Variants in AAAS observed in about 807,000 individuals in gnomAD.
The protein encoded by AAAS is aladin.
In AAAS, 60 loss-of-function variants were observed where a neutral mutation model predicts 75.6. The ratio of observed to expected loss-of-function variants is 0.79; its 90% CI spans 0.64 to 0.98. The LOEUF (loss-of-function observed/expected upper bound fraction) is 0.98, where lower values mean the gene tolerates loss of function less well. Ranked by LOEUF, AAAS falls within the 50% of genes least tolerant of loss-of-function variation. The pLI is 0.00. For missense variants in AAAS, 658 were observed against 686.9 expected, an observed-to-expected ratio of 0.96 and a Z score of 0.47; for synonymous variants, 271 against 265.0, an observed-to-expected ratio of 1.02 and a Z score of -0.22.
Position 53,310,513 on chromosome 12 carries a change from T to C in AAAS, c.690-792A>G, listed in dbSNP as rs538285501. ...AGGCGGAGGTTGCAGTGAGCCGAGA[T>C]TGCACCACTGCACTCCAGCCTGGCG... On this transcript the variant is annotated intron_variant, in intron 7 of 15. Transcript: ENST00000209873. Among the ~76,000 whole-genome samples the C allele has an allele frequency of 1.1e-4, 17 of 151,564 alleles. No individual in the cohort carries two copies. The South Asian group carries it at 2.7e-3, about 24-fold the overall frequency.
chr12:53,309,741 A>G lies in AAAS; in HGVS notation c.690-20T>C, dbSNP rs1461249296. ...GAGGGTCTGGAGGGGAACACAGAGG[A>G]TGTGGAGTCAGAAGATGACAAGAAG... On this transcript the variant is annotated intron_variant, in intron 7 of 15. Coordinates refer to ENST00000209873, the MANE Select transcript of AAAS (RefSeq NM_015665.6). 1 of 1,611,336 alleles carries G rather than the reference A, an allele frequency of 6.2e-7. No individual in the cohort carries two copies. The highest frequency in any genetic ancestry group is 8.5e-7 in the Non-Finnish European group (1 of 1,179,170).
At chr12:53,311,102 C>G (rs1944382135) in intron 7 of AAAS, among the ~76,000 whole-genome samples, 1 of 152,024 alleles carries the variant, frequency 6.6e-6, no homozygotes, top group African/African-American at 2.4e-5. Context: ...ACCCCACGCC[C>G]AGCTAGTTTT....
rs939296105 is a variant in AAAS, at chr12:53,321,526, A to G, written c.-61T>C. ...TCCTGGCCGGAACGGCACAGACCGC[A>G]CTCCCGCAACTCGGTTCCCGGGCTA... On this transcript the variant is annotated 5_prime_UTR_variant, in exon 1 of 16. Coordinates refer to ENST00000209873, the MANE Select transcript of AAAS (RefSeq NM_015665.6). 1.9e-6 allele frequency: 3 copies of G among 1,610,016 alleles called. No individual in the cohort carries two copies. Among genetic ancestry groups the G allele is most frequent in the South Asian group, 1.1e-5 (1 of 91,036 alleles).
chr12:53,318,817 A>T (rs1462601088), intron 2 of AAAS, among the ~76,000 whole-genome samples: 2 of 152,206 alleles, frequency 1.3e-5, no homozygotes, highest in African/African-American at 4.8e-5. Flanking sequence ...ATCAACTGGA[A>T]ATCTAGCCCC....
At chr12:53,307,744 T>G in intron 15 of AAAS, 31 bp from the exon 16 acceptor site, 1 of 1,613,642 alleles carries the variant, frequency 6.2e-7, no homozygotes, top group Non-Finnish European at 8.5e-7. Flanking sequence ...AGGATCAGAG[T>G]CTGGGCCCAA....
chr12:53,313,257 G>C (rs779431346), intron 7 of AAAS, among the ~76,000 whole-genome samples: 24 of 147,540 alleles, frequency 1.6e-4, no homozygotes, highest in Non-Finnish European at 3.3e-4. Context: ...TCCGCTTCCC[G>C]GGTTCAAGTG....
rs778571464 is a variant in AAAS at position 53,308,994 on chromosome 12, C to A, written c.962G>T (p.Cys321Phe). The change falls in exon 10 of 16, where the codon TGT (cysteine) becomes TTT (phenylalanine). Residue 321 changes from cysteine (C) to phenylalanine (F), a missense_variant. Coordinates refer to ENST00000209873, the MANE Select transcript of AAAS (RefSeq NM_015665.6). ...FRVWEAQMWTCERWPTLSGRC... is the reference protein window; with the variant it reads ...FRVWEAQMWTFERWPTLSGRC... ...CCCTGATAGAGTAGGCCACCTCTCA[C>A]AAGTCCACATCTGGGCCTCCCAGAC... is the stretch of plus-strand genomic sequence containing the variant. 6.2e-7 allele frequency: 1 copy of A among 1,614,212 alleles called. No homozygotes were observed. Among genetic ancestry groups the A allele is most frequent in the South Asian group, 1.1e-5 (1 of 91,090 alleles).
chr12:53,320,757 C>T, intron 1 of AAAS, 65 bp from the exon 2 acceptor site: 1 of 1,578,966 alleles, frequency 6.3e-7, no homozygotes, highest in Non-Finnish European at 8.7e-7. Context: ...AATTCCGTGC[C>T]ATCTCCAACC....
intron 9 of AAAS, 65 bp downstream of exon 9, chr12:53,309,092 G>C: frequency 6.2e-7 from 1 of 1,614,196 alleles, no homozygotes; most frequent in East Asian, 2.2e-5. Flanking sequence ...TCCCTTGACA[G>C]AGCTTCCAGG....
intron 2 of AAAS, among the ~76,000 whole-genome samples, chr12:53,317,604 G>A (rs769180044): frequency 3.3e-5 from 5 of 151,362 alleles, no homozygotes; most frequent in Admixed American, 1.3e-4. Context: ...TTAACCAGGC[G>A]TGGTGGTGTG....
intron 6 of AAAS, 94 bp from the exon 7 acceptor site, chr12:53,314,535 G>A: frequency 6.4e-7 from 1 of 1,567,578 alleles, no homozygotes; most frequent in South Asian, 1.1e-5. Context: ...CAGAGAAGAA[G>A]GATGATCCAT....
In AAAS at chr12:53,307,614, C is replaced by G; in HGVS notation, c.1516G>C (p.Ala506Pro). ...TCATGAATAGAGCCTCCACCCCCAG[C>G]AGGGGGTTCCTGGGCCCGCCCAAGC... ...PVLGRAQEPP[A>P]GGGGSIHDLP... The change falls in exon 16 of 16, where the codon GCT (alanine) becomes CCT (proline). Residue 506 changes from alanine (A) to proline (P), a missense_variant. Physicochemically the swap from Ala to Pro is conservative, Grantham distance 27. Transcript: ENST00000209873. 1 of 1,614,190 alleles carries G rather than the reference C, an allele frequency of 6.2e-7. No individual in the cohort carries two copies. The highest frequency in any genetic ancestry group is 8.5e-7 in the Non-Finnish European group (1 of 1,180,014).
chr12:53,307,987 T>TGTGG, intron 14 of AAAS, 58 bp from the exon 15 acceptor site: 1 of 1,612,646 alleles, frequency 6.2e-7, no homozygotes, highest in Middle Eastern at 1.7e-4. Context: ...TGTAGTGGGA[T>TGTGG]GTGGGTTTGT....
intron 7 of AAAS, among the ~76,000 whole-genome samples, chr12:53,311,429 T>C (rs1028838465): frequency 6.6e-5 from 10 of 152,186 alleles, no homozygotes; most frequent in African/African-American, 2.4e-4. Context: ...ACCCAGCTAA[T>C]TTTTGTATTT....
Position 53,307,913 on chromosome 12 carries a change from C to T in AAAS, c.1348G>A (p.Glu450Lys), listed in dbSNP as rs776232138. Residue 450 changes from glutamate (E) to lysine (K), a missense_variant, in exon 15 of 16, where the codon GAG becomes AAG. Transcript: ENST00000209873. ...ATGAGCTGGGGCTGGGCTCCTGGCT[C>T]CCCCTGGATAATGCCACTAGAAGAA... ...ELLPCGIIQGEPGAQPQLITF... is the reference protein window; with the variant it reads ...ELLPCGIIQGKPGAQPQLITF... 1 of 1,614,176 alleles carries T rather than the reference C, an allele frequency of 6.2e-7. No homozygotes were observed. Among genetic ancestry groups the T allele is most frequent in the Non-Finnish European group, 8.5e-7 (1 of 1,180,024 alleles).
chr12:53,318,246 G>A (rs1162033499), intron 2 of AAAS, among the ~76,000 whole-genome samples: 2 of 80,574 alleles, frequency 2.5e-5, no homozygotes, highest in Admixed American at 1.5e-4. Context: ...GTGTGTGTGC[G>A]TGTGTGTGTG....
intron 13 of AAAS, 41 bp from the exon 14 acceptor site, chr12:53,308,174 G>A (rs1944322880): frequency 6.2e-7 from 1 of 1,609,822 alleles, no homozygotes; most frequent in Non-Finnish European, 8.5e-7. Flanking sequence ...GAACTCTGAA[G>A]GCAGAGTCCC....
At position 53,309,291 on chromosome 12, in the gene AAAS, T is replaced by C; in HGVS notation, c.811-10A>G. ...TTGAGACATCCCATACCTAGGAGAG[T>C]GGGGCAGGAGATAAGGGAAAACTCA... is the stretch of plus-strand genomic sequence containing the variant. On this transcript the variant is annotated splice_polypyrimidine_tract_variant and intron_variant, in intron 8 of 15. Transcript: ENST00000209873. 6.2e-7 allele frequency: 1 copy of C among 1,613,002 alleles called. No individual in the cohort carries two copies. The highest frequency in any genetic ancestry group is 1.1e-5 in the South Asian group (1 of 91,038).
intron 6 of AAAS, 134 bp downstream of exon 6, chr12:53,314,617 G>T: frequency 2.3e-6 from 3 of 1,315,782 alleles, no homozygotes; most frequent in Middle Eastern, 2.6e-4. Context: ...ATCCAGTTAT[G>T]GAGCTTCCCT....
Sources: allele counts gnomAD v4.1 joint callset (sites outside exome capture counted in the v4.1 genomes callset), GRCh38; gene constraint gnomAD v4.1.1; transcripts MANE v1.5; gene names NCBI Gene and HGNC (gene_info 2026-07-23, HGNC 2026-07-21).